KALRN: variants seen among roughly 807,000 people sequenced by gnomAD.
The protein encoded by KALRN is kalirin RhoGEF kinase.
KALRN carries 70 observed loss-of-function variants against 353.7 expected under a neutral mutation model. That is an observed-to-expected ratio of 0.20 (90% CI 0.16 to 0.24). The LOEUF is 0.24. KALRN is among the 10% of genes least tolerant of loss of function. KALRN has a pLI of 1.00. For missense variants in KALRN, 2,791 were observed against 3,756.7 expected, an observed-to-expected ratio of 0.74 and a Z score of 6.72; for synonymous variants, 1,391 against 1,434.8, an observed-to-expected ratio of 0.97 and a Z score of 0.69.
chr3:124,094,902 G>A (rs753159455), intron 1 of KALRN: 1 of 1,613,794 alleles, frequency 6.2e-7, no homozygotes, highest in Non-Finnish European at 8.5e-7. Context: ...CTGCTGGATC[G>A]AGGTATCCTG....
chr3:124,444,975 C>A (rs992615953), intron 19 of KALRN, among the ~76,000 whole-genome samples: 18 of 152,128 alleles, frequency 1.2e-4, no homozygotes, highest in African/African-American at 4.3e-4. Context: ...TCAGTGCAAG[C>A]ACTTCACTTT....
At chr3:124,364,296 G>C (rs577226259) in intron 10 of KALRN, among the ~76,000 whole-genome samples, 1 of 152,180 alleles carries the variant, frequency 6.6e-6, no homozygotes, top group African/African-American at 2.4e-5. Context: ...TGAATGTCAG[G>C]AACAGTCAAG....
intron 1 of KALRN, among the ~76,000 whole-genome samples, chr3:124,093,355 G>C (rs998402411): frequency 6.6e-6 from 1 of 152,244 alleles, no homozygotes; most frequent in Non-Finnish European, 1.5e-5. Context: ...GGCCTAGGCT[G>C]CACAGAGCTG....
intron 10 of KALRN, among the ~76,000 whole-genome samples, chr3:124,351,406 T>C (rs2082819873): frequency 6.6e-6 from 1 of 152,192 alleles, no homozygotes; most frequent in South Asian, 2.1e-4. Flanking sequence ...AGCCTTATCA[T>C]TTAGGATTCC....
chr3:124,167,161 G>T (rs541500154), intron 1 of KALRN, among the ~76,000 whole-genome samples: 1 of 152,288 alleles, frequency 6.6e-6, no homozygotes, highest in African/African-American at 2.4e-5. Context: ...TCCTTGCAGG[G>T]CTCTGCCTGA....
intron 1 of KALRN, among the ~76,000 whole-genome samples, chr3:124,160,083 T>C (rs1218971735): frequency 6.6e-6 from 1 of 151,506 alleles, no homozygotes; most frequent in East Asian, 1.9e-4. Flanking sequence ...TCTGAAATCT[T>C]AGAATGTGAC....
intron 10 of KALRN, among the ~76,000 whole-genome samples, chr3:124,359,795 G>T (rs2083819683): frequency 6.6e-6 from 1 of 152,208 alleles, no homozygotes; most frequent in South Asian, 2.1e-4. Flanking sequence ...GCTGGTAATA[G>T]AATATATTTA....
chr3:124,520,065 A>T (rs2067032733), intron 33 of KALRN, among the ~76,000 whole-genome samples: 1 of 152,056 alleles, frequency 6.6e-6, no homozygotes, highest in Non-Finnish European at 1.5e-5. Context: ...CTGGTTGCCT[A>T]GCAACAGAAT....
Position 124,597,794 on chromosome 3 carries a change from A to T in KALRN, c.5183-34626A>T, listed in dbSNP as rs554206889. Among the ~76,000 whole-genome samples, 700 of 142,130 alleles carry T rather than the reference A, an allele frequency of 4.9e-3. 3 individuals are homozygous for T. The highest frequency in any genetic ancestry group is 7.7e-3 in the Non-Finnish European group (482 of 62,836). 93.2% of individuals were successfully genotyped at this position (142,130 alleles called of 152,430 possible). ...TTGAAATGAAATATGAGATTAAAAA[A>T]AAACTTTTGGAGCTACTGGGTTAAA... On this transcript the variant is annotated intron_variant, in intron 34 of 59. Coordinates refer to ENST00000682506, the MANE Select transcript of KALRN (RefSeq NM_001388419.1).
intron 33 of KALRN, among the ~76,000 whole-genome samples, chr3:124,521,592 C>T (rs1288472535): frequency 6.6e-6 from 1 of 152,158 alleles, no homozygotes. Context: ...GCCATATAAT[C>T]ATGTTGATCC....
chr3:124,646,526 G>A (rs1423087063), intron 37 of KALRN, among the ~76,000 whole-genome samples: 2 of 151,284 alleles, frequency 1.3e-5, no homozygotes, highest in Non-Finnish European at 2.9e-5. Context: ...GAGTAGCTGG[G>A]ACTACAGGCA....
intron 10 of KALRN, among the ~76,000 whole-genome samples, chr3:124,377,283 A>G (rs553520410): frequency 6.6e-6 from 1 of 152,340 alleles, no homozygotes; most frequent in African/African-American, 2.4e-5. Context: ...CACCTGGTTA[A>G]CTGATGCCAC....
chr3:124,241,302 G>T (rs1466705825), intron 3 of KALRN, among the ~76,000 whole-genome samples: 1 of 152,184 alleles, frequency 6.6e-6, no homozygotes, highest in Non-Finnish European at 1.5e-5. Flanking sequence ...ACATTGTGTA[G>T]TTTTCTGTGA....
At chr3:124,495,775 G>T (rs1274604085) in intron 32 of KALRN, among the ~76,000 whole-genome samples, 1 of 138,652 alleles carries the variant, frequency 7.2e-6, no homozygotes, top group African/African-American at 2.7e-5. Context: ...TGTCACTTCT[G>T]TTTTCTTTAT....
At chr3:124,070,957 G>A (rs900978975) in intron 1 of KALRN, among the ~76,000 whole-genome samples, 5 of 148,366 alleles carry the variant, frequency 3.4e-5, no homozygotes, top group African/African-American at 1.2e-4. Flanking sequence ...CTTAATTAGG[G>A]ATAGTTTCTG....
chr3:124,470,898 G>C (rs1290167196), intron 25 of KALRN, among the ~76,000 whole-genome samples: 1 of 152,080 alleles, frequency 6.6e-6, no homozygotes, highest in Non-Finnish European at 1.5e-5. Context: ...TAGGATTTTG[G>C]AAGTTCTTCA....
At chr3:124,511,042 G>T (rs2065847091) in intron 33 of KALRN, among the ~76,000 whole-genome samples, 1 of 151,966 alleles carries the variant, frequency 6.6e-6, no homozygotes, top group Non-Finnish European at 1.5e-5. Context: ...TTTCATATCT[G>T]GAAATGCCCA....
intron 1 of KALRN, among the ~76,000 whole-genome samples, chr3:124,071,229 G>A (rs140229441): frequency 0.021 from 3,174 of 152,206 alleles, 31 homozygotes; most frequent in Middle Eastern, 0.044. Context: ...CTGTAATGGT[G>A]TCATCCCATC....
chr3:124,452,288 C>T (rs555499248), intron 21 of KALRN, among the ~76,000 whole-genome samples: 1 of 152,312 alleles, frequency 6.6e-6, no homozygotes, highest in African/African-American at 2.4e-5. Flanking sequence ...GCTGGTCTAG[C>T]TTTACTCACC....
Sources: gnomAD v4.1 joint callset for allele counts (sites outside exome capture counted in the v4.1 genomes callset) on GRCh38, gnomAD v4.1.1 for gene constraint, MANE v1.5 for transcripts, NCBI Gene and HGNC (gene_info 2026-07-23, HGNC 2026-07-21) for gene names.